Variants in SEC63 observed in about 807,000 individuals in gnomAD.
The protein encoded by SEC63 is translocation protein SEC63 homolog.
In SEC63, 56 loss-of-function variants were observed where a neutral mutation model predicts 116.2. That is an observed-to-expected ratio of 0.48 (90% CI 0.39 to 0.60). SEC63 has a LOEUF of 0.60. Among genes scored for constraint, SEC63 ranks in the 20% least tolerant of loss-of-function variants. The pLI is 0.00. For synonymous variants in SEC63, 273 were observed against 294.6 expected, an observed-to-expected ratio of 0.93 and a Z score of 0.75; for missense variants, 668 against 900.0, an observed-to-expected ratio of 0.74 and a Z score of 3.30.
In SEC63 at chr6:107,877,071, G is replaced by GTGTATATATATATATATATATATATATA. The variant is rs1409286259; in HGVS notation, c.1936-410_1936-409insTATATATATATATATATATATATATACA. 1.5e-4 allele frequency: 5 copies of GTGTATATATATATATATATATATATATA among 34,480 alleles called. 1 individual carries two copies. The highest frequency in any genetic ancestry group is 4.6e-4 in the African/African-American group (5 of 10,870). 2.1% of individuals were successfully genotyped at this position (34,480 alleles called of 1,614,324 possible). On this transcript the variant is annotated intron_variant, in intron 18 of 20. Transcript: ENST00000369002. ...GGAAGGAACATATATATATGTGTGT[G>GTGTATATATATATATATATATATATATA]TATATATATATATATACACATATAT...
Position 107,908,829 on chromosome 6 carries a change from A to G in SEC63, c.733+98T>C. ...AATTAACTATTTATAAAACTGTACAATAGAATCTCAACAGTATAGAGTTAA... is the reference window on the plus strand; with the variant it reads ...AATTAACTATTTATAAAACTGTACAGTAGAATCTCAACAGTATAGAGTTAA... On this transcript the variant is annotated intron_variant, in intron 8 of 20. Transcript: ENST00000369002. 8.5e-6 allele frequency: 6 copies of G among 703,442 alleles called. No individual in the cohort carries two copies. In the South Asian group the frequency reaches 9.4e-5, roughly 11 times the overall value. The allele number at this position is 703,442 out of a possible 1,614,324, so 43.6% of individuals were successfully genotyped here. A position where few individuals can be genotyped will look rare whatever the true frequency, so the allele number is the denominator to read the frequency against.
At chr6:107,929,539 A>T (rs777597967) in intron 1 of SEC63, 25 bp from the exon 2 acceptor site, 1 of 1,373,904 alleles carries the variant, frequency 7.3e-7, no homozygotes, top group Admixed American at 1.7e-5. Flanking sequence ...AAATAAGATG[A>T]ATTAAAAACC....
In SEC63 at chr6:107,868,360, C is replaced by T. The variant is rs1198989014; in HGVS notation, c.*3344G>A. 2 of 152,112 alleles carry T rather than the reference C, an allele frequency of 1.3e-5. No individual in the cohort carries two copies. The highest frequency in any genetic ancestry group is 4.8e-5 in the African/African-American group (2 of 41,410). 9.4% of individuals were successfully genotyped at this position (152,112 alleles called of 1,614,324 possible). A position where few individuals can be genotyped will look rare whatever the true frequency, so the allele number is the denominator to read the frequency against. Reference sequence around the variant, plus strand: ...TTGGGAGGCTGAGGAGGGCTGATCACTTGAGGCCAGGAGTTCGAGACCAGG... The same window carrying T: ...TTGGGAGGCTGAGGAGGGCTGATCATTTGAGGCCAGGAGTTCGAGACCAGG... On this transcript the variant is annotated 3_prime_UTR_variant, in exon 21 of 21. Coordinates refer to ENST00000369002, the MANE Select transcript of SEC63 (RefSeq NM_007214.5).
At chr6:107,876,870 C>T (rs1027508210) in intron 18 of SEC63, 8 of 527,974 alleles carry the variant, frequency 1.5e-5, no homozygotes, top group Non-Finnish European at 2.7e-5. Context: ...ATTTTGTATG[C>T]AATTTTGGGG....
intron 16 of SEC63, among the ~76,000 whole-genome samples, chr6:107,888,579 T>C (rs1014461208): frequency 6.6e-6 from 1 of 152,182 alleles, no homozygotes; most frequent in Non-Finnish European, 1.5e-5. Context: ...CTGAACACTC[T>C]TTATTTCTTT....
chr6:107,923,696 T>A (rs1787607104), intron 3 of SEC63, among the ~76,000 whole-genome samples: 1 of 145,926 alleles, frequency 6.9e-6, no homozygotes, highest in Non-Finnish European at 1.5e-5. Context: ...CAGGTAATTT[T>A]TTTTTTTTTT....
chr6:107,901,808 T>C (rs535269088), intron 12 of SEC63, among the ~76,000 whole-genome samples: 35 of 152,230 alleles, frequency 2.3e-4, no homozygotes, highest in African/African-American at 8.4e-4. Context: ...CCAAGAACTT[T>C]GTCAATTGAT....
intron 1 of SEC63, among the ~76,000 whole-genome samples, chr6:107,944,084 C>A (rs780129640): frequency 2.0e-5 from 3 of 151,900 alleles, no homozygotes; most frequent in Admixed American, 1.3e-4. Context: ...AAAGGTAGAG[C>A]CAAAAGAACA....
At chr6:107,925,572 T>G (rs1787656561) in intron 2 of SEC63, among the ~76,000 whole-genome samples, 2 of 152,222 alleles carry the variant, frequency 1.3e-5, no homozygotes, top group Non-Finnish European at 2.9e-5. Flanking sequence ...AACTAATTTC[T>G]GCTCCCTCCA....
chr6:107,900,629 C>T (rs1786979632), intron 13 of SEC63, among the ~76,000 whole-genome samples: 1 of 152,056 alleles, frequency 6.6e-6, no homozygotes, highest in Non-Finnish European at 1.5e-5. Context: ...GCCTGGACGA[C>T]AGAGTGAGAC....
chr6:107,889,223 A>T (rs570334062), intron 16 of SEC63, among the ~76,000 whole-genome samples: 19 of 152,038 alleles, frequency 1.2e-4, no homozygotes, highest in African/African-American at 4.6e-4. Flanking sequence ...CTGGTCCTGG[A>T]CTTTTTTTTG....
intron 1 of SEC63, among the ~76,000 whole-genome samples, chr6:107,935,119 G>T (rs1403587547): frequency 7.2e-6 from 1 of 139,254 alleles, no homozygotes; most frequent in Non-Finnish European, 1.6e-5. Flanking sequence ...GGAGGGAGGT[G>T]GGGGGGTCAG....
intron 1 of SEC63, among the ~76,000 whole-genome samples, chr6:107,942,794 A>C (rs779143609): frequency 7.9e-5 from 12 of 152,222 alleles, no homozygotes; most frequent in Non-Finnish European, 1.6e-4. Flanking sequence ...CAATAAAGCT[A>C]GAAAAAAGAC....
chr6:107,941,669 G>A (rs1220733712), intron 1 of SEC63, among the ~76,000 whole-genome samples: 1 of 152,228 alleles, frequency 6.6e-6, no homozygotes, highest in Admixed American at 6.5e-5. Context: ...GAGAGTTGGC[G>A]AGGTTGAACG....
intron 1 of SEC63, among the ~76,000 whole-genome samples, chr6:107,952,421 A>C (rs998671767): frequency 3.9e-5 from 6 of 152,182 alleles, no homozygotes; most frequent in Admixed American, 3.3e-4. Context: ...TGAAAGTCCC[A>C]AATGTGTTGC....
At chr6:107,942,643 G>A (rs1770402177) in intron 1 of SEC63, among the ~76,000 whole-genome samples, 1 of 152,170 alleles carries the variant, frequency 6.6e-6, no homozygotes, top group South Asian at 2.1e-4. Flanking sequence ...CCCACCCCCT[G>A]TGCAGTCACA....
intron 4 of SEC63, among the ~76,000 whole-genome samples, chr6:107,915,314 T>A (rs1787373998): frequency 6.6e-6 from 1 of 152,018 alleles, no homozygotes; most frequent in Non-Finnish European, 1.5e-5. Flanking sequence ...AAAATGCACA[T>A]TACAAAGACA....
intron 1 of SEC63, among the ~76,000 whole-genome samples, chr6:107,939,882 G>A (rs910477408): frequency 2.3e-4 from 35 of 152,148 alleles, no homozygotes; most frequent in Admixed American, 2.3e-3. Flanking sequence ...GGGAAATACT[G>A]CTCTAGACGA....
At chr6:107,919,785 C>T (rs941621388) in intron 4 of SEC63, among the ~76,000 whole-genome samples, 1 of 151,128 alleles carries the variant, frequency 6.6e-6, no homozygotes, top group Non-Finnish European at 1.5e-5. Flanking sequence ...TCGCGCCACT[C>T]CACTCCAGCC....
Sources: gnomAD v4.1 joint callset for allele counts (sites outside exome capture counted in the v4.1 genomes callset) on GRCh38, gnomAD v4.1.1 for gene constraint, MANE v1.5 for transcripts, NCBI Gene and HGNC (gene_info 2026-07-23, HGNC 2026-07-21) for gene names.